The following CPA6 variants were observed in gnomAD, a reference collection of about 807,000 sequenced individuals.
The protein encoded by CPA6 is carboxypeptidase A6.
Under a neutral mutation model 63.3 loss-of-function variants are expected in CPA6, and 58 were observed. The observed-to-expected ratio is 0.92, with a 90% CI of 0.74 to 1.14. CPA6 has a LOEUF of 1.14. Among genes scored for constraint, CPA6 ranks in the 50% most tolerant of loss-of-function variants. The probability of loss-of-function intolerance (pLI) is 0.00; values close to 1 mark genes in which losing one functional copy is unlikely to be tolerated. For missense variants in CPA6, 565 were observed against 526.6 expected, an observed-to-expected ratio of 1.07 and a Z score of -0.71; for synonymous variants, 185 against 179.0, an observed-to-expected ratio of 1.03 and a Z score of -0.27.
intron 6 of CPA6, among the ~76,000 whole-genome samples, chr8:67,485,248 T>C (rs1811452181): frequency 6.6e-6 from 1 of 152,228 alleles, no homozygotes; most frequent in Non-Finnish European, 1.5e-5. Flanking sequence ...ACCTACTGCA[T>C]TGAGACTCTA....
intron 8 of CPA6, among the ~76,000 whole-genome samples, chr8:67,458,110 T>C (rs1197855112): frequency 6.6e-6 from 1 of 152,098 alleles, no homozygotes; most frequent in African/African-American, 2.4e-5. Flanking sequence ...TCAAAATGGA[T>C]CATAGACCTA....
intron 1 of CPA6, among the ~76,000 whole-genome samples, chr8:67,702,064 G>A (rs1817036482): frequency 6.6e-6 from 1 of 152,094 alleles, no homozygotes; most frequent in African/African-American, 2.4e-5. Flanking sequence ...GATTGCAGCT[G>A]GCTCCAGGGA....
chr8:67,487,601 T>C (rs1811509081), intron 6 of CPA6, among the ~76,000 whole-genome samples: 1 of 152,242 alleles, frequency 6.6e-6, no homozygotes, highest in African/African-American at 2.4e-5. Context: ...ATGGTATTTC[T>C]AGTTCTAGAT....
chr8:67,698,146 GCTAGGTAATAATGAAGAGCCTTTGA>G (rs1333164777), intron 1 of CPA6, among the ~76,000 whole-genome samples: 3 of 152,066 alleles, frequency 2.0e-5, no homozygotes, highest in Non-Finnish European at 2.9e-5. Context: ...TAATTATTTG[GCTAGGTAATAATGAAGAGCCTTTGA>G]CTAGATAGTA....
chr8:67,461,828 C>G (rs896064459), intron 8 of CPA6, among the ~76,000 whole-genome samples: 4 of 152,170 alleles, frequency 2.6e-5, no homozygotes, highest in East Asian at 1.9e-4. Context: ...CTGACCCCCC[C>G]ACCTCCCTCC....
chr8:67,640,134 C>A (rs952189116), intron 1 of CPA6, among the ~76,000 whole-genome samples: 4 of 151,362 alleles, frequency 2.6e-5, no homozygotes, highest in Non-Finnish European at 5.9e-5. Flanking sequence ...GGAAAAGGCA[C>A]CACAAATTCC....
At chr8:67,514,570 A>C (rs1253229079) in intron 3 of CPA6, among the ~76,000 whole-genome samples, 1 of 152,212 alleles carries the variant, frequency 6.6e-6, no homozygotes, top group African/African-American at 2.4e-5. Flanking sequence ...GAAATGAATA[A>C]TTCTAAATGA....
chr8:67,569,215 G>A (rs1365377641), intron 2 of CPA6, among the ~76,000 whole-genome samples: 2 of 152,160 alleles, frequency 1.3e-5, no homozygotes, highest in African/African-American at 4.8e-5. Context: ...ACAGAGTTCT[G>A]AGAGCAGAAA....
chr8:67,637,218 T>C (rs1021519793), intron 1 of CPA6, among the ~76,000 whole-genome samples: 2 of 151,648 alleles, frequency 1.3e-5, no homozygotes, highest in Non-Finnish European at 2.9e-5. Context: ...TCACGGTAGC[T>C]CACATGTAAT....
chr8:67,623,318 C>G (rs779101187), intron 2 of CPA6, among the ~76,000 whole-genome samples: 2 of 152,058 alleles, frequency 1.3e-5, no homozygotes, highest in Non-Finnish European at 2.9e-5. Flanking sequence ...AGAAATACAG[C>G]AATGAACAAA....
chr8:67,665,338 A>C (rs1230669208), intron 1 of CPA6, among the ~76,000 whole-genome samples: 2 of 152,194 alleles, frequency 1.3e-5, no homozygotes, highest in Admixed American at 6.5e-5. Flanking sequence ...ATGAAGTGGT[A>C]ATTTCCCATT....
chr8:67,469,242 G>A (rs1282455188), intron 8 of CPA6, among the ~76,000 whole-genome samples: 1 of 152,112 alleles, frequency 6.6e-6, no homozygotes, highest in African/African-American at 2.4e-5. Context: ...TTAAATCAGT[G>A]GGCTTTGGGT....
chr8:67,619,929 C>A (rs1364379047), intron 2 of CPA6, among the ~76,000 whole-genome samples: 1 of 152,198 alleles, frequency 6.6e-6, no homozygotes, highest in African/African-American at 2.4e-5. Flanking sequence ...AACCATTTAT[C>A]TGCTGCAACT....
intron 2 of CPA6, among the ~76,000 whole-genome samples, chr8:67,548,056 CTTTTCTTTTCTT>C (rs1048935839): frequency 2.6e-5 from 4 of 151,920 alleles, no homozygotes; most frequent in African/African-American, 9.7e-5. Flanking sequence ...GGGAACTTCA[CTTTTCTTTTCTT>C]TTTTTTCTTT....
At chr8:67,705,289 C>A (rs1320532641) in intron 1 of CPA6, among the ~76,000 whole-genome samples, 6 of 152,218 alleles carry the variant, frequency 3.9e-5, no homozygotes, top group African/African-American at 1.2e-4. Context: ...GCTGAAGGAG[C>A]TCTACGCTCT....
chr8:67,746,170 A>G lies in CPA6; in HGVS notation c.-41T>C, dbSNP rs1174259323. On this transcript the variant is annotated 5_prime_UTR_variant, in exon 1 of 11. Coordinates refer to ENST00000297770, the MANE Select transcript of CPA6 (RefSeq NM_020361.5). ...GGAGTTGAAAGTTACTTAAGCAGCC[A>G]CCCGAGGCTGGAGGTGGCTCACAGC... 1 of 1,511,950 alleles carries G rather than the reference A, an allele frequency of 6.6e-7. No homozygotes were observed. The highest frequency in any genetic ancestry group is 9.1e-7 in the Non-Finnish European group (1 of 1,098,844). 93.7% of individuals were successfully genotyped at this position (1,511,950 alleles called of 1,614,324 possible). A position where few individuals can be genotyped will look rare whatever the true frequency, so the allele number is the denominator to read the frequency against.
rs573869790 is a variant in CPA6 at position 67,429,732 on chromosome 8, T to C, written c.1042-1601A>G. On this transcript the variant is annotated intron_variant, in intron 9 of 10. Transcript: ENST00000297770. Reference sequence around the variant, plus strand: ...ATTCCATGGCAAGGGCAGATATTTCTACATTCAGAAGATTATTTCATTCTG... The same window carrying C: ...ATTCCATGGCAAGGGCAGATATTTCCACATTCAGAAGATTATTTCATTCTG... The C allele has an allele frequency of 7.2e-5, 11 of 152,344 alleles. No homozygotes were observed. The South Asian group carries it at 2.3e-3, about 32-fold the overall frequency. 9.4% of individuals were successfully genotyped at this position (152,344 alleles called of 1,614,324 possible). A position where few individuals can be genotyped will look rare whatever the true frequency, so the allele number is the denominator to read the frequency against.
intron 6 of CPA6, among the ~76,000 whole-genome samples, chr8:67,486,607 C>T (rs1016772045): frequency 2.6e-5 from 4 of 152,050 alleles, no homozygotes; most frequent in Admixed American, 6.6e-5. Flanking sequence ...GATTTTCTTT[C>T]GTATTTTGTC....
At chr8:67,656,252 C>T (rs1358048889) in intron 1 of CPA6, among the ~76,000 whole-genome samples, 1 of 152,182 alleles carries the variant, frequency 6.6e-6, no homozygotes, top group African/African-American at 2.4e-5. Flanking sequence ...CTGATTTTCT[C>T]ACATCCCTGA....
Sources: gnomAD v4.1 joint callset for allele counts (sites outside exome capture counted in the v4.1 genomes callset) on GRCh38, gnomAD v4.1.1 for gene constraint, MANE v1.5 for transcripts, NCBI Gene and HGNC (gene_info 2026-07-23, HGNC 2026-07-21) for gene names.